The following ANK3 variants were observed in gnomAD, a reference collection of about 807,000 sequenced individuals.
ANK3 encodes ankyrin 3, also known as ankyrin-3.
In ANK3, 57 loss-of-function variants were observed where a neutral mutation model predicts 370.9. The ratio of observed to expected loss-of-function variants is 0.15; its 90% confidence interval spans 0.12 to 0.19. ANK3 has a LOEUF of 0.19. ANK3 is among the 10% of genes least tolerant of loss of function. The pLI, the probability that ANK3 is intolerant of heterozygous loss-of-function variation, is 1.00. For missense variants in ANK3, 4,439 were observed against 5,302.1 expected (o/e 0.84, Z 5.06); for synonymous variants, 1,929 against 1,946.3 (o/e 0.99, Z 0.23).
In ANK3 at chr10:60,141,741, T is replaced by C. The variant is rs575648433; in HGVS notation, c.2615-2654A>G. 3.6e-4 allele frequency among the ~76,000 whole-genome samples: 54 copies of C among 151,846 alleles called. 1 individual carries two copies. The highest frequency in any genetic ancestry group is 1.3e-3 in the African/African-American group (53 of 41,370). ...CTAAATATACAGGAATCTGAATCTGTAGAACCGATAAAGTAGGGGGAAAAA... is the reference window on the plus strand; with the variant it reads ...CTAAATATACAGGAATCTGAATCTGCAGAACCGATAAAGTAGGGGGAAAAA... On this transcript the variant is annotated intron_variant, in intron 23 of 43. Transcript: ENST00000280772.
intron 2 of ANK3, among the ~76,000 whole-genome samples, chr10:60,588,793 C>G (rs1436942532): frequency 1.3e-5 from 2 of 151,980 alleles, no homozygotes; most frequent in Non-Finnish European, 2.9e-5. Context: ...GCCTATAGTC[C>G]CAGCTATTCA....
At chr10:60,060,735 C>T (rs2080263922) in intron 40 of ANK3, 1 of 152,102 alleles carries the variant, frequency 6.6e-6, no homozygotes, top group Non-Finnish European at 1.5e-5. Flanking sequence ...TTGTGGAGTA[C>T]ATGAAGGTCT....
At chr10:60,400,408 AATC>A (rs1471673015) in intron 2 of ANK3, among the ~76,000 whole-genome samples, 4 of 152,228 alleles carry the variant, frequency 2.6e-5, no homozygotes. Context: ...ATAAAAAAGA[AATC>A]ATGCTTATTT....
chr10:60,226,954 G>T (rs922148663), intron 8 of ANK3, among the ~76,000 whole-genome samples: 5 of 151,200 alleles, frequency 3.3e-5, no homozygotes, highest in Admixed American at 6.6e-5. Flanking sequence ...AACTTAAGAA[G>T]AATAATATTT....
At chr10:60,713,367 CAAA>C (rs1344241565) in intron 1 of ANK3, among the ~76,000 whole-genome samples, 10 of 151,912 alleles carry the variant, frequency 6.6e-5, no homozygotes, top group Admixed American at 3.9e-4. Context: ...ACATGTGAGT[CAAA>C]GAAGAAATCT....
At chr10:60,475,887 T>C (rs1472963223) in intron 2 of ANK3, among the ~76,000 whole-genome samples, 3 of 152,156 alleles carry the variant, frequency 2.0e-5, no homozygotes, top group East Asian at 3.9e-4. Context: ...ACCATGCTGA[T>C]AGATATATTC....
Position 60,063,179 on chromosome 10 carries a change from T to C in ANK3, c.12527A>G (p.Asp4176Gly), listed in dbSNP as rs2080946375. 16 of 1,613,490 alleles carry C rather than the reference T, an allele frequency of 9.9e-6. No individual in the cohort carries two copies. The highest frequency in any genetic ancestry group is 1.7e-5 in the Admixed American group (1 of 59,982). ...IVTLLEGPIF[D>G]YGNISGTRSF... ...TCTGGTGCCTGAAATATTTCCATAA[T>C]CAAATATTGGTCCTTCTAGCAGTGT... The change falls in exon 40 of 44, where the codon GAT (aspartate) becomes GGT (glycine). Residue 4176 changes from aspartate (D) to glycine (G), a missense_variant. Asp to Gly is a moderately conservative substitution (Grantham distance 94). Transcript: ENST00000280772.
intron 2 of ANK3, among the ~76,000 whole-genome samples, chr10:60,481,154 T>C (rs189245055): frequency 1.3e-3 from 195 of 152,282 alleles, no homozygotes; most frequent in African/African-American, 4.4e-3. Flanking sequence ...CAAAGTGATC[T>C]TAACAAGCCT....
At chr10:60,553,062 C>G (rs2077125732) in intron 2 of ANK3, among the ~76,000 whole-genome samples, 1 of 152,152 alleles carries the variant, frequency 6.6e-6, no homozygotes, top group South Asian at 2.1e-4. Flanking sequence ...CTAGTCTCAG[C>G]TATGTCTTTA....
At chr10:60,604,093 G>A (rs2133309039) in intron 2 of ANK3, among the ~76,000 whole-genome samples, 1 of 152,226 alleles carries the variant, frequency 6.6e-6, no homozygotes, top group South Asian at 2.1e-4. Context: ...AGTTTTAAAT[G>A]ATCTTGTATT....
At chr10:60,294,311 G>T (rs1164435340) in intron 1 of ANK3, among the ~76,000 whole-genome samples, 2 of 152,116 alleles carry the variant, frequency 1.3e-5, no homozygotes, top group East Asian at 3.9e-4. Context: ...CAGCTTCCTG[G>T]TCAGATAATT....
intron 2 of ANK3, among the ~76,000 whole-genome samples, chr10:60,551,317 T>G (rs2077083628): frequency 6.6e-6 from 1 of 152,146 alleles, no homozygotes; most frequent in African/African-American, 2.4e-5. Flanking sequence ...CCATTATTGA[T>G]GAAACATTTA....
chr10:60,722,618 T>C (rs2132026429), intron 1 of ANK3, among the ~76,000 whole-genome samples: 1 of 152,306 alleles, frequency 6.6e-6, no homozygotes, highest in African/African-American at 2.4e-5. Flanking sequence ...TTTGGATGTT[T>C]GTCCCCTCCA....
At chr10:60,691,739 A>G (rs1015967798) in intron 1 of ANK3, among the ~76,000 whole-genome samples, 1 of 152,134 alleles carries the variant, frequency 6.6e-6, no homozygotes, top group South Asian at 2.1e-4. Context: ...TACCAAATAC[A>G]GTATCTGCAT....
chr10:60,592,741 C>T (rs1364739387), intron 2 of ANK3, among the ~76,000 whole-genome samples: 6 of 152,044 alleles, frequency 3.9e-5, no homozygotes, highest in South Asian at 2.1e-4. Flanking sequence ...CCAGCCTGGG[C>T]GACAGAGTGA....
chr10:60,467,048 A>G (rs2065026709), intron 2 of ANK3, among the ~76,000 whole-genome samples: 1 of 152,300 alleles, frequency 6.6e-6, no homozygotes, highest in South Asian at 2.1e-4. Flanking sequence ...TGAATTGTAT[A>G]TTTTAAATGA....
Position 60,608,473 on chromosome 10 carries a change from T to C in ANK3, c.96+6713A>G, listed in dbSNP as rs557321902. 5.9e-5 allele frequency among the ~76,000 whole-genome samples: 9 copies of C among 152,280 alleles called. No homozygotes were observed. The East Asian group carries it at 1.7e-3, about 29-fold the overall frequency. ...GAGTGATATGCATTATACTTTATTG[T>C]GAAGAGAGAAGCATATCATTGTAGC... is the stretch of plus-strand genomic sequence containing the variant. On this transcript the variant is annotated intron_variant, in intron 2 of 43. Transcript: ENST00000373827.
At chr10:60,481,743 C>T (rs1250354524) in intron 2 of ANK3, among the ~76,000 whole-genome samples, 1 of 152,160 alleles carries the variant, frequency 6.6e-6, no homozygotes, top group Non-Finnish European at 1.5e-5. Flanking sequence ...GGATTACAGG[C>T]GTGAGCCACT....
At chr10:60,168,040 ATTT>A (rs1442767168) in intron 21 of ANK3, among the ~76,000 whole-genome samples, 6 of 152,064 alleles carry the variant, frequency 3.9e-5, no homozygotes. Context: ...TATTATTATT[ATTT>A]GAGACCAAGT....
Sources: allele counts gnomAD v4.1 joint callset (sites outside exome capture counted in the v4.1 genomes callset), GRCh38; gene constraint gnomAD v4.1.1; transcripts MANE v1.5; gene names NCBI Gene and HGNC (gene_info 2026-07-23, HGNC 2026-07-21).